PODXL: variants seen among roughly 807,000 people sequenced by gnomAD.
PODXL encodes the protein podocalyxin.
A neutral mutation model predicts 48.9 loss-of-function variants in PODXL; 20 were observed. The ratio of observed to expected loss-of-function variants is 0.41; its 90% CI spans 0.29 to 0.59. PODXL has a LOEUF of 0.59. PODXL is among the 20% of genes least tolerant of loss of function. The pLI is 0.31. For missense variants in PODXL, 606 were observed against 675.1 expected, an observed-to-expected ratio of 0.90 and a Z score of 1.13; for synonymous variants, 295 against 287.4, an observed-to-expected ratio of 1.03 and a Z score of -0.27.
chr7:131,544,443 G>A (rs1488793205), intron 1 of PODXL, among the ~76,000 whole-genome samples: 1 of 152,208 alleles, frequency 6.6e-6, no homozygotes, highest in Non-Finnish European at 1.5e-5. Flanking sequence ...GGCCAGGACG[G>A]CTCCCACCCT....
At chr7:131,533,152 G>A (rs749298459) in intron 1 of PODXL, among the ~76,000 whole-genome samples, 3 of 152,164 alleles carry the variant, frequency 2.0e-5, no homozygotes, top group Non-Finnish European at 4.4e-5. Context: ...CCCCCACACA[G>A]GCTGAGTGTC....
intron 1 of PODXL, among the ~76,000 whole-genome samples, chr7:131,530,779 G>T (rs539467948): frequency 9.3e-4 from 138 of 147,968 alleles, no homozygotes; most frequent in African/African-American, 3.2e-3. Context: ...AAAAAAAAAG[G>T]CCAGGTGTGG....
intron 1 of PODXL, among the ~76,000 whole-genome samples, chr7:131,517,343 C>T (rs1798015470): frequency 6.6e-6 from 1 of 152,160 alleles, no homozygotes; most frequent in Non-Finnish European, 1.5e-5. Flanking sequence ...AGCTTGTGTG[C>T]TCTTTAGGAT....
At chr7:131,532,972 T>TCTGTTGAG (rs1798308916) in intron 1 of PODXL, among the ~76,000 whole-genome samples, 1 of 152,076 alleles carries the variant, frequency 6.6e-6, no homozygotes, top group South Asian at 2.1e-4. Context: ...CTGTGAGAAA[T>TCTGTTGAG]AAATGTCTGT....
rs187454880 is a variant in PODXL at position 131,509,795 on chromosome 7, C to G, written c.803-210G>C. ...CGTTCACTGAGCACTTAACTTTGTG[C>G]AAGGGACTGGGTGCCTCAAAGGTAC... On this transcript the variant is annotated intron_variant, in intron 3 of 8. Coordinates refer to ENST00000378555, the MANE Select transcript of PODXL (RefSeq NM_001018111.3). Among the ~76,000 whole-genome samples, 672 of 152,226 alleles carry G rather than the reference C, an allele frequency of 4.4e-3. 1 individual carries two copies. The highest frequency in any genetic ancestry group is 6.2e-3 in the Non-Finnish European group (419 of 68,018).
intron 8 of PODXL, among the ~76,000 whole-genome samples, chr7:131,505,297 C>T (rs1797779359): frequency 6.6e-6 from 1 of 152,142 alleles, no homozygotes; most frequent in Non-Finnish European, 1.5e-5. Flanking sequence ...GAACCTGATG[C>T]CCAAAGAGCT....
At chr7:131,525,538 T>G (rs1189628467) in intron 1 of PODXL, among the ~76,000 whole-genome samples, 1 of 149,880 alleles carries the variant, frequency 6.7e-6, no homozygotes, top group Non-Finnish European at 1.5e-5. Flanking sequence ...AGGCAGAGGT[T>G]GTAGTGAGCT....
At chr7:131,518,877 T>C (rs10224884) in intron 1 of PODXL, among the ~76,000 whole-genome samples, 80,869 of 151,944 alleles carry the variant, frequency 0.53, 21,954 homozygotes, top group East Asian at 0.85. Context: ...AAAACTGATA[T>C]GCTGAAGGGG....
intron 1 of PODXL, among the ~76,000 whole-genome samples, chr7:131,540,411 G>A (rs1359351705): frequency 6.6e-6 from 1 of 151,930 alleles, no homozygotes; most frequent in Non-Finnish European, 1.5e-5. Flanking sequence ...CCCCAGGTCA[G>A]AGAGCCAGAT....
intron 1 of PODXL, among the ~76,000 whole-genome samples, chr7:131,551,190 C>G (rs143670571): frequency 2.5e-3 from 388 of 152,252 alleles, no homozygotes; most frequent in African/African-American, 9.0e-3. Flanking sequence ...AGTCACCATC[C>G]CAGATCTGCT....
At chr7:131,527,200 G>C (rs1798202015) in intron 1 of PODXL, among the ~76,000 whole-genome samples, 1 of 152,164 alleles carries the variant, frequency 6.6e-6, no homozygotes, top group African/African-American at 2.4e-5. Flanking sequence ...CAGTACAGCT[G>C]ACAGTAGTAT....
rs1159855519 is a variant in PODXL, at chr7:131,505,951, T to C, written c.1396A>G (p.Ile466Val). The change falls in exon 8 of 9, where the codon ATC becomes GTC. Residue 466 changes from isoleucine to valine, a missense_variant. Coordinates refer to ENST00000378555, the MANE Select transcript of PODXL (RefSeq NM_001018111.3). ...DRFSMPLIIT[I>V]VCMASFLLLV... ...AGCAGGAATGATGCCATGCAGACGA[T>C]GGTGATGATGAGGGGCATGCTGAAG... 2 of 1,607,802 alleles carry C rather than the reference T, an allele frequency of 1.2e-6. No homozygotes were observed. The highest frequency in any genetic ancestry group is 1.7e-5 in the Admixed American group (1 of 58,974).
chr7:131,535,885 C>T (rs2116843493), intron 1 of PODXL, among the ~76,000 whole-genome samples: 1 of 152,256 alleles, frequency 6.6e-6, no homozygotes, highest in East Asian at 1.9e-4. Flanking sequence ...CCTCAGCCTC[C>T]CGAGTAGCTA....
At chr7:131,524,288 G>A (rs1343642629) in intron 1 of PODXL, among the ~76,000 whole-genome samples, 2 of 151,554 alleles carry the variant, frequency 1.3e-5, no homozygotes, top group African/African-American at 4.9e-5. Context: ...AAGCAAGGAT[G>A]TCCTCTCTTT....
At chr7:131,555,681 C>T (rs978854912) in intron 1 of PODXL, among the ~76,000 whole-genome samples, 1 of 152,202 alleles carries the variant, frequency 6.6e-6, no homozygotes, top group Non-Finnish European at 1.5e-5. Context: ...GGTCCACTTA[C>T]GACTCTGTAC....
intron 1 of PODXL, among the ~76,000 whole-genome samples, chr7:131,554,754 A>G (rs1472104243): frequency 1.3e-5 from 2 of 152,116 alleles, no homozygotes; most frequent in African/African-American, 4.8e-5. Context: ...CTCTTTCCTG[A>G]CACAGCCCAA....
At chr7:131,547,255 T>C (rs1584833011) in intron 1 of PODXL, among the ~76,000 whole-genome samples, 1 of 150,734 alleles carries the variant, frequency 6.6e-6, no homozygotes, top group Admixed American at 6.7e-5. Context: ...TGCCTGTAAT[T>C]CCAGCTACCC....
chr7:131,504,573 T>C, intron 8 of PODXL, 65 bp from the exon 9 acceptor site: 7 of 1,336,230 alleles, frequency 5.2e-6, no homozygotes, highest in Admixed American at 1.7e-5. Flanking sequence ...ATACAGCGCA[T>C]GTACGTACCC....
intron 1 of PODXL, among the ~76,000 whole-genome samples, chr7:131,548,223 C>G (rs932057665): frequency 2.0e-5 from 3 of 152,226 alleles, no homozygotes; most frequent in African/African-American, 7.2e-5. Flanking sequence ...ATCTGACCGG[C>G]AAGGTGAGGA....
Sources: allele counts gnomAD v4.1 joint callset (sites outside exome capture counted in the v4.1 genomes callset), GRCh38; gene constraint gnomAD v4.1.1; transcripts MANE v1.5; gene names NCBI Gene and HGNC (gene_info 2026-07-23, HGNC 2026-07-21).